Variants in TPRG1 observed in about 807,000 individuals in gnomAD.
TPRG1 encodes tumor protein p63-regulated gene 1 protein.
Under a neutral mutation model 29.3 loss-of-function variants are expected in TPRG1, and 29 were observed. The ratio of observed to expected loss-of-function variants is 0.99; its 90% CI spans 0.74 to 1.35. The LOEUF is 1.35. TPRG1 is among the 40% of genes most tolerant of loss of function. TPRG1 has a pLI of 0.00. For synonymous variants in TPRG1, 130 were observed against 116.8 expected, an observed-to-expected ratio of 1.11 and a Z score of -0.73; for missense variants, 327 against 335.0, an observed-to-expected ratio of 0.98 and a Z score of 0.19.
chr3:189,157,157 G>A (rs113017063), intron 5 of TPRG1, among the ~76,000 whole-genome samples: 169 of 152,254 alleles, frequency 1.1e-3, no homozygotes, highest in African/African-American at 3.9e-3. Context: ...AGGCTTCATG[G>A]GGCTGCTTCG....
chr3:189,281,855 A>G (rs555641931), intron 4 of TPRG1, among the ~76,000 whole-genome samples: 4 of 152,044 alleles, frequency 2.6e-5, no homozygotes, highest in Non-Finnish European at 5.9e-5. Context: ...AAGACCTTGA[A>G]AGACACCCAC....
At chr3:189,053,452 A>G (rs1715460734) in intron 4 of TPRG1, among the ~76,000 whole-genome samples, 2 of 152,198 alleles carry the variant, frequency 1.3e-5, no homozygotes, top group Admixed American at 6.6e-5. Context: ...GCTCCCGGAT[A>G]GTATCAAGGA....
At chr3:189,020,077 T>A (rs1303226342) in intron 3 of TPRG1, among the ~76,000 whole-genome samples, 1 of 152,152 alleles carries the variant, frequency 6.6e-6, no homozygotes, top group Non-Finnish European at 1.5e-5. Context: ...TCGGTGGTGA[T>A]ACCCCTTTAT....
chr3:189,305,675 T>C (rs993887702), intron 4 of TPRG1, among the ~76,000 whole-genome samples: 2 of 152,224 alleles, frequency 1.3e-5, no homozygotes, highest in African/African-American at 4.8e-5. Flanking sequence ...GTAATTAACA[T>C]GACTAAAGTA....
intron 4 of TPRG1, among the ~76,000 whole-genome samples, chr3:189,245,643 T>G (rs1287707332): frequency 6.6e-6 from 1 of 152,194 alleles, no homozygotes; most frequent in Non-Finnish European, 1.5e-5. Flanking sequence ...TCATGTACAC[T>G]TGAATTTTAT....
intron 4 of TPRG1, among the ~76,000 whole-genome samples, chr3:189,057,810 ATATG>A (rs1715808051): frequency 6.9e-6 from 1 of 144,408 alleles, no homozygotes; most frequent in African/African-American, 2.6e-5. Flanking sequence ...GTATGTATAT[ATATG>A]TGTGTATATA....
At chr3:189,103,125 G>A (rs1719398367) in intron 1 of TPRG1, among the ~76,000 whole-genome samples, 2 of 152,042 alleles carry the variant, frequency 1.3e-5, no homozygotes, top group Admixed American at 6.6e-5. Flanking sequence ...CAAATACCTA[G>A]AGCCAGGGTG....
At chr3:189,040,013 A>G (rs1473501606) in intron 4 of TPRG1, among the ~76,000 whole-genome samples, 1 of 152,158 alleles carries the variant, frequency 6.6e-6, no homozygotes, top group East Asian at 1.9e-4. Flanking sequence ...TTACTTTAAG[A>G]TACATTACTC....
At chr3:188,998,730 A>G (rs1711902339) in intron 1 of TPRG1, among the ~76,000 whole-genome samples, 1 of 152,210 alleles carries the variant, frequency 6.6e-6, no homozygotes, top group South Asian at 2.1e-4. Context: ...CACAAAGGCT[A>G]ATATCACATA....
intron 1 of TPRG1, chr3:189,190,935 A>C: frequency 1.0e-6 from 1 of 985,194 alleles, no homozygotes; most frequent in Non-Finnish European, 1.2e-6. Context: ...CTTTGCAATG[A>C]GCCGGCTTTG....
chr3:189,242,802 T>C (rs1313005305), intron 4 of TPRG1, among the ~76,000 whole-genome samples: 1 of 152,108 alleles, frequency 6.6e-6, no homozygotes, highest in East Asian at 1.9e-4. Context: ...ATAAATATTG[T>C]GTTTATCATA....
At chr3:189,200,498 A>T (rs941923351) in intron 1 of TPRG1, among the ~76,000 whole-genome samples, 1 of 152,166 alleles carries the variant, frequency 6.6e-6, no homozygotes, top group Non-Finnish European at 1.5e-5. Context: ...TAACCCCTTC[A>T]TGGGGGTAGA....
intron 4 of TPRG1, among the ~76,000 whole-genome samples, chr3:189,031,007 C>T (rs1465981802): frequency 1.3e-5 from 2 of 152,158 alleles, no homozygotes; most frequent in Admixed American, 6.5e-5. Flanking sequence ...GCGTGGCTCA[C>T]GCCTGTAATC....
intron 3 of TPRG1, among the ~76,000 whole-genome samples, chr3:189,138,297 A>G (rs1018380754): frequency 6.6e-6 from 1 of 152,190 alleles, no homozygotes; most frequent in Non-Finnish European, 1.5e-5. Context: ...ATTTGAGGAG[A>G]CACTGGTTGT....
chr3:189,071,165 C>T (rs973930111), intron 4 of TPRG1, among the ~76,000 whole-genome samples: 1 of 152,010 alleles, frequency 6.6e-6, no homozygotes, highest in Non-Finnish European at 1.5e-5. Context: ...GCAGAGAATC[C>T]TGTTATTCCT....
chr3:189,010,546 T>C (rs1712543889), intron 3 of TPRG1, among the ~76,000 whole-genome samples: 1 of 152,184 alleles, frequency 6.6e-6, no homozygotes, highest in African/African-American at 2.4e-5. Context: ...ATGTTGAGCA[T>C]TTTTTTCATG....
rs12489602 is a variant in TPRG1 at position 189,063,449 on chromosome 3, A to G, written c.-463+39503A>G. Among the ~76,000 whole-genome samples the G allele has an allele frequency of 9.0e-3, 1,373 of 152,204 alleles. 63 individuals carry two copies. Among genetic ancestry groups the G allele is most frequent in the Admixed American group, 0.082 (1,251 of 15,272 alleles). On this transcript the variant is annotated intron_variant, in intron 4 of 10. Coordinates refer to the TPRG1 transcript ENST00000433971. ...ACGACATATGTAAAAACTCCACACA[A>G]TAGCAGAATAAACTTTTTTTCAAGT...
At chr3:189,012,015 GTTTGAAAAGCC>G (rs1712628516) in intron 3 of TPRG1, among the ~76,000 whole-genome samples, 1 of 152,208 alleles carries the variant, frequency 6.6e-6, no homozygotes, top group South Asian at 2.1e-4. Context: ...TTGTTTATCA[GTTTGAAAAGCC>G]TTTGGGCTGA....
chr3:189,070,569 A>G (rs1258329103), intron 4 of TPRG1, among the ~76,000 whole-genome samples: 1 of 152,202 alleles, frequency 6.6e-6, no homozygotes, highest in African/African-American at 2.4e-5. Flanking sequence ...TCTTAAGGAT[A>G]TATGTATTAT....
Sources: allele counts gnomAD v4.1 joint callset (sites outside exome capture counted in the v4.1 genomes callset), GRCh38; gene constraint gnomAD v4.1.1; transcripts MANE v1.5; gene names NCBI Gene and HGNC (gene_info 2026-07-23, HGNC 2026-07-21).